The following VEGFC variants were observed in gnomAD, a reference collection of about 807,000 sequenced individuals.
The protein encoded by VEGFC is FLT4 ligand DHM.
VEGFC carries 12 observed loss-of-function variants against 46.1 expected under a neutral mutation model. The observed-to-expected ratio is 0.26, with a 90% CI of 0.17 to 0.42. The LOEUF (loss-of-function observed/expected upper bound fraction) is 0.42. VEGFC is among the 10% of genes least tolerant of loss of function. The probability of loss-of-function intolerance (pLI) is 1.00; values close to 1 mark genes in which losing one functional copy is unlikely to be tolerated. For synonymous variants in VEGFC, 232 were observed against 195.5 expected (o/e 1.19, Z -1.56); for missense variants, 488 against 529.4 (o/e 0.92, Z 0.77).
chr4:176,762,718 A>G (rs1735552879), intron 1 of VEGFC, among the ~76,000 whole-genome samples: 1 of 152,222 alleles, frequency 6.6e-6, no homozygotes, highest in Admixed American at 6.5e-5. Context: ...ATAAAGATCT[A>G]TTAAGAAGGT....
intron 1 of VEGFC, 80 bp from the exon 2 acceptor site, chr4:176,729,826 T>A: frequency 1.9e-6 from 2 of 1,073,008 alleles, no homozygotes; most frequent in Non-Finnish European, 2.6e-6. Flanking sequence ...CGGTTAGGTT[T>A]AATAGTATCT....
At chr4:176,760,399 A>C (rs982771589) in intron 1 of VEGFC, among the ~76,000 whole-genome samples, 2 of 152,172 alleles carry the variant, frequency 1.3e-5, no homozygotes, top group Non-Finnish European at 2.9e-5. Context: ...AAGAAAAAAG[A>C]ATTTCTCTAG....
At chr4:176,761,775 G>A (rs543957262) in intron 1 of VEGFC, among the ~76,000 whole-genome samples, 1 of 152,238 alleles carries the variant, frequency 6.6e-6, no homozygotes, top group Non-Finnish European at 1.5e-5. Context: ...ATAGGACACA[G>A]AAATAATAAA....
At chr4:176,784,121 G>A (rs1735961126) in intron 1 of VEGFC, among the ~76,000 whole-genome samples, 1 of 148,182 alleles carries the variant, frequency 6.7e-6, no homozygotes, top group South Asian at 2.1e-4. Context: ...CTGGAGTGCA[G>A]TGGGGTGATC....
chr4:176,775,135 T>C (rs1038071837), intron 1 of VEGFC, among the ~76,000 whole-genome samples: 3 of 152,172 alleles, frequency 2.0e-5, no homozygotes, highest in Admixed American at 1.3e-4. Context: ...ATAAATCCAC[T>C]GCTCCAAGTA....
At chr4:176,769,573 GT>G (rs1271989072) in intron 1 of VEGFC, among the ~76,000 whole-genome samples, 2 of 152,122 alleles carry the variant, frequency 1.3e-5, no homozygotes, top group Admixed American at 1.3e-4. Flanking sequence ...TATTCCATCT[GT>G]GGGGCCTTTG....
At chr4:176,752,823 G>C (rs1735363037) in intron 1 of VEGFC, among the ~76,000 whole-genome samples, 1 of 151,836 alleles carries the variant, frequency 6.6e-6, no homozygotes, top group Non-Finnish European at 1.5e-5. Context: ...AAGACCACTG[G>C]CTAGGACACT....
intron 1 of VEGFC, among the ~76,000 whole-genome samples, chr4:176,737,845 AGAT>A (rs1735082471): frequency 6.6e-6 from 1 of 151,976 alleles, no homozygotes; most frequent in South Asian, 2.1e-4. Context: ...AGAAAGCAGA[AGAT>A]GAACAGAATA....
chr4:176,718,782 T>C (rs1348995152), intron 3 of VEGFC, among the ~76,000 whole-genome samples: 5 of 152,152 alleles, frequency 3.3e-5, no homozygotes, highest in Non-Finnish European at 4.4e-5. Context: ...TAGTAAAATA[T>C]ATAAGGTAAA....
chr4:176,706,827 G>A (rs1410981787), intron 4 of VEGFC, among the ~76,000 whole-genome samples: 1 of 151,982 alleles, frequency 6.6e-6, no homozygotes, highest in African/African-American at 2.4e-5. Context: ...ATTAACTACT[G>A]TCACAATCAA....
intron 3 of VEGFC, among the ~76,000 whole-genome samples, chr4:176,720,842 TAAAA>T (rs33929788): frequency 2.6e-5 from 2 of 78,232 alleles, no homozygotes. Flanking sequence ...AGACTCCATC[TAAAA>T]AAAAAAAAAA....
At position 176,736,445 on chromosome 4, in the gene VEGFC, T is replaced by C. The variant is rs371382157; in HGVS notation, c.148-6699A>G. The stretch of plus-strand genomic sequence containing the variant: ...ACCTGTGGAACTTGAGTACATCATT[T>C]CCTCTCACTGTGCCTCAATTAGTTC... On this transcript the variant is annotated intron_variant, in intron 1 of 6. Transcript: ENST00000618562. 7.0e-5 allele frequency among the ~76,000 whole-genome samples: 10 copies of C among 143,468 alleles called. No individual in the cohort carries two copies. The East Asian group carries it at 2.1e-3, about 31-fold the overall frequency. The allele number at this position is 143,468 out of a possible 152,430, so 94.1% of individuals were successfully genotyped here.
intron 1 of VEGFC, among the ~76,000 whole-genome samples, chr4:176,766,368 T>C (rs1735622675): frequency 6.6e-6 from 1 of 152,104 alleles, no homozygotes; most frequent in South Asian, 2.1e-4. Flanking sequence ...GGAGGATCAA[T>C]TGAACCCAGG....
intron 1 of VEGFC, among the ~76,000 whole-genome samples, chr4:176,742,115 G>A (rs1735185834): frequency 6.6e-6 from 1 of 151,890 alleles, no homozygotes; most frequent in Non-Finnish European, 1.5e-5. Context: ...AGTCCCCAGT[G>A]TCTACTGTTT....
intron 1 of VEGFC, among the ~76,000 whole-genome samples, chr4:176,763,732 C>A (rs1735569997): frequency 6.6e-6 from 1 of 152,122 alleles, no homozygotes; most frequent in African/African-American, 2.4e-5. Flanking sequence ...CTTACAGGTT[C>A]CATAAGGTTT....
chr4:176,725,068 C>T (rs1454873349), intron 3 of VEGFC, among the ~76,000 whole-genome samples: 1 of 152,070 alleles, frequency 6.6e-6, no homozygotes, highest in African/African-American at 2.4e-5. Flanking sequence ...AAGAGAAGTA[C>T]TGTATTGTTC....
chr4:176,743,420 T>C (rs1485920312), intron 1 of VEGFC, among the ~76,000 whole-genome samples: 1 of 151,862 alleles, frequency 6.6e-6, no homozygotes, highest in Non-Finnish European at 1.5e-5. Context: ...AAAGTAAGCA[T>C]AAATGATTAA....
intron 1 of VEGFC, among the ~76,000 whole-genome samples, chr4:176,770,683 A>T (rs1182373084): frequency 6.6e-6 from 1 of 152,176 alleles, no homozygotes. Context: ...CCTGAAAAAT[A>T]GCTGAGCTCC....
At chr4:176,725,356 T>C (rs568816108) in intron 3 of VEGFC, among the ~76,000 whole-genome samples, 3 of 152,104 alleles carry the variant, frequency 2.0e-5, no homozygotes, top group Non-Finnish European at 2.9e-5. Flanking sequence ...AGGCTGGGAG[T>C]GCAGTGGTGC....
Sources: allele counts gnomAD v4.1 joint callset (sites outside exome capture counted in the v4.1 genomes callset), GRCh38; gene constraint gnomAD v4.1.1; transcripts MANE v1.5; gene names NCBI Gene and HGNC (gene_info 2026-07-23, HGNC 2026-07-21).